Variants in LRBA observed in about 807,000 individuals in gnomAD.
LRBA encodes LPS responsive beige-like anchor protein.
Under a neutral mutation model 330.0 loss-of-function variants are expected in LRBA, and 176 were observed. That is an observed-to-expected ratio of 0.53 (90% confidence interval 0.47 to 0.60). The LOEUF is 0.60. Among genes scored for constraint, LRBA ranks in the 20% least tolerant of loss-of-function variants. LRBA has a pLI of 0.00. For synonymous variants in LRBA, 1,230 were observed against 1,193.0 expected, an observed-to-expected ratio of 1.03 and a Z score of -0.64; for missense variants, 3,259 against 3,444.8, an observed-to-expected ratio of 0.95 and a Z score of 1.35.
intron 40 of LRBA, among the ~76,000 whole-genome samples, chr4:150,493,591 C>T (rs1759221043): frequency 6.6e-6 from 1 of 152,134 alleles, no homozygotes; most frequent in Non-Finnish European, 1.5e-5. Context: ...ATCCAGCAAA[C>T]CTGGATCTGT....
At chr4:150,791,035 T>C (rs1277761973) in intron 34 of LRBA, among the ~76,000 whole-genome samples, 1 of 152,228 alleles carries the variant, frequency 6.6e-6, no homozygotes, top group Non-Finnish European at 1.5e-5. Flanking sequence ...CAAGAAGGAA[T>C]TAAAAATTCC....
At chr4:150,563,391 A>G (rs771483712) in intron 40 of LRBA, among the ~76,000 whole-genome samples, 13 of 152,222 alleles carry the variant, frequency 8.5e-5, no homozygotes, top group Non-Finnish European at 1.5e-4. Context: ...CTAGGTATTG[A>G]TGGAACATCT....
intron 38 of LRBA, among the ~76,000 whole-genome samples, chr4:150,595,877 TC>T (rs1474083591): frequency 6.6e-6 from 1 of 151,938 alleles, no homozygotes; most frequent in African/African-American, 2.4e-5. Context: ...TAACCAGGGC[TC>T]TGGCATTAGG....
At chr4:150,906,072 C>A (rs767715837) in intron 12 of LRBA, 82 bp from the exon 13 acceptor site, 48 of 1,227,602 alleles carry the variant, frequency 3.9e-5, no homozygotes, top group Non-Finnish European at 4.2e-5. Context: ...AGGAAAAAAA[C>A]TGGCCCACAA....
intron 31 of LRBA, among the ~76,000 whole-genome samples, chr4:150,810,656 C>G (rs1675693217): frequency 6.6e-6 from 1 of 152,076 alleles, no homozygotes; most frequent in Non-Finnish European, 1.5e-5. Flanking sequence ...GGCTGGAGTG[C>G]AGTGGTGTGA....
chr4:150,967,127 T>TA (rs991507878), intron 2 of LRBA, among the ~76,000 whole-genome samples: 1 of 152,102 alleles, frequency 6.6e-6, no homozygotes, highest in East Asian at 1.9e-4. Context: ...ATTAAGGACA[T>TA]AAAAAAAATT....
intron 36 of LRBA, among the ~76,000 whole-genome samples, chr4:150,715,443 AT>A (rs954653392): frequency 1.3e-5 from 2 of 152,354 alleles, no homozygotes; most frequent in African/African-American, 4.8e-5. Flanking sequence ...AAATAAAATA[AT>A]AAAAACAAAC....
intron 36 of LRBA, chr4:150,683,960 C>A (rs530138750): frequency 1.1e-5 from 4 of 374,472 alleles, no homozygotes; most frequent in African/African-American, 2.1e-5. Flanking sequence ...GAGACCTGAA[C>A]AATGAGACAA....
intron 35 of LRBA, among the ~76,000 whole-genome samples, chr4:150,757,644 A>G (rs1734493617): frequency 6.6e-6 from 1 of 152,212 alleles, no homozygotes; most frequent in Non-Finnish European, 1.5e-5. Flanking sequence ...TTTCACAAAC[A>G]CATCTACTCC....
intron 34 of LRBA, among the ~76,000 whole-genome samples, chr4:150,772,378 A>G (rs998377645): frequency 6.6e-6 from 1 of 152,122 alleles, no homozygotes; most frequent in African/African-American, 2.4e-5. Flanking sequence ...AGAACTGAGG[A>G]CCATAGGATA....
chr4:150,475,670 G>A (rs1481041736), intron 42 of LRBA, among the ~76,000 whole-genome samples: 1 of 151,854 alleles, frequency 6.6e-6, no homozygotes, highest in Non-Finnish European at 1.5e-5. Context: ...GCTAAGGAGG[G>A]AGGATCACTT....
intron 42 of LRBA, among the ~76,000 whole-genome samples, chr4:150,483,628 C>G (rs929075626): frequency 3.3e-5 from 5 of 151,892 alleles, no homozygotes; most frequent in African/African-American, 1.2e-4. Context: ...GCCACCATGC[C>G]TGGCCATCTT....
chr4:150,717,538 T>C (rs566258533), intron 36 of LRBA, among the ~76,000 whole-genome samples: 1 of 151,670 alleles, frequency 6.6e-6, no homozygotes, highest in African/African-American at 2.4e-5. Context: ...TGTGCACATG[T>C]AGTGCCAGCT....
intron 20 of LRBA, among the ~76,000 whole-genome samples, chr4:150,869,260 A>T (rs1046746591): frequency 6.6e-6 from 1 of 152,152 alleles, no homozygotes; most frequent in African/African-American, 2.4e-5. Context: ...TTTCTTTCAT[A>T]ATCTTAAAAG....
intron 30 of LRBA, among the ~76,000 whole-genome samples, chr4:150,826,320 A>AT (rs1008867892): frequency 2.6e-5 from 4 of 152,146 alleles, no homozygotes. Context: ...CCTATTTGGG[A>AT]TGGGGGGGAA....
intron 2 of LRBA, among the ~76,000 whole-genome samples, chr4:150,991,943 G>A (rs1742138694): frequency 1.3e-5 from 2 of 152,168 alleles, no homozygotes; most frequent in Non-Finnish European, 2.9e-5. Context: ...AAAGTTCTGT[G>A]GTAGAATGGA....
At chr4:150,470,024 A>C (rs561527760) in intron 43 of LRBA, among the ~76,000 whole-genome samples, 1 of 152,024 alleles carries the variant, frequency 6.6e-6, no homozygotes, top group African/African-American at 2.4e-5. Flanking sequence ...CTCTACTAAA[A>C]ATACAAAAAT....
chr4:150,840,227 C>T (rs183396288), intron 28 of LRBA, among the ~76,000 whole-genome samples: 1 of 152,310 alleles, frequency 6.6e-6, no homozygotes, highest in Admixed American at 6.5e-5. Flanking sequence ...CAGTCATTTG[C>T]TCACTGGAGT....
Position 150,984,443 on chromosome 4 carries a change from A to G in LRBA, c.216+29984T>C, listed in dbSNP as rs1741203291. 2.0e-5 allele frequency among the ~76,000 whole-genome samples: 3 copies of G among 151,976 alleles called. No homozygotes were observed. The South Asian group carries it at 6.2e-4, about 31-fold the overall frequency. On this transcript the variant is annotated intron_variant, in intron 2 of 56. Coordinates refer to ENST00000651943, the MANE Select transcript of LRBA (RefSeq NM_001364905.1). ...AGAATTGCTTGAACCCGGAAGGCGGAGGTTGTGGTGAGTGGAGATTGCGCC... is the reference window on the plus strand; with the variant it reads ...AGAATTGCTTGAACCCGGAAGGCGGGGGTTGTGGTGAGTGGAGATTGCGCC...
Sources: allele counts gnomAD v4.1 joint callset (sites outside exome capture counted in the v4.1 genomes callset), GRCh38; gene constraint gnomAD v4.1.1; transcripts MANE v1.5; gene names NCBI Gene and HGNC (gene_info 2026-07-23, HGNC 2026-07-21).